Variants in CELF2 observed in about 807,000 individuals in gnomAD.
CELF2 encodes the protein CUGBP Elav-like family member 2.
Under a neutral mutation model 62.6 loss-of-function variants are expected in CELF2, and 8 were observed. The observed-to-expected ratio is 0.13, with a 90% CI of 0.07 to 0.23. CELF2 has a LOEUF of 0.23. Among genes scored for constraint, CELF2 ranks in the 10% least tolerant of loss-of-function variants. The pLI, the probability that CELF2 is intolerant of heterozygous loss-of-function variation, is 1.00. For missense variants in CELF2, 333 were observed against 671.0 expected, an observed-to-expected ratio of 0.50 and a Z score of 5.56; for synonymous variants, 258 against 250.0, an observed-to-expected ratio of 1.03 and a Z score of -0.30.
rs549370565 is a variant in CELF2, at chr10:11,063,176, C to T, written c.74+45013C>T. Among the ~76,000 whole-genome samples, 13 of 152,348 alleles carry T rather than the reference C, an allele frequency of 8.5e-5. No individual in the cohort carries two copies. The South Asian group carries it at 2.5e-3, about 29-fold the overall frequency. ...CTGGGAAACCAAAAAATTCATGTGA[C>T]TTGCTTCATTGAAATACTAGCTTTA... On this transcript the variant is annotated intron_variant, in intron 1 of 12. Transcript: ENST00000633077.
At chr10:11,325,720 T>C (rs2095689854) in intron 11 of CELF2, 116 bp from the exon 12 acceptor site, 2 of 836,610 alleles carry the variant, frequency 2.4e-6, no homozygotes, top group Non-Finnish European at 3.7e-6. Context: ...TTTATCCATC[T>C]GTTTGTTTGT....
At chr10:11,133,395 T>C (rs1225137683) in intron 1 of CELF2, among the ~76,000 whole-genome samples, 1 of 152,228 alleles carries the variant, frequency 6.6e-6, no homozygotes, top group African/African-American at 2.4e-5. Context: ...TCCAAAAGCA[T>C]ATGCCGTGGG....
At chr10:11,062,680 C>G (rs923641458) in intron 1 of CELF2, among the ~76,000 whole-genome samples, 2 of 152,156 alleles carry the variant, frequency 1.3e-5, no homozygotes, top group African/African-American at 2.4e-5. Context: ...GCAAAGAAAT[C>G]GGTTTCTGGA....
rs1389806953 is a variant in CELF2, at chr10:11,244,815, A to G, written c.355-4338A>G. 6.6e-6 allele frequency among the ~76,000 whole-genome samples: 1 copy of G among 152,134 alleles called. No homozygotes were observed. The highest frequency in any genetic ancestry group is 1.9e-4 in the East Asian group (1 of 5,204). Reference sequence around the variant, plus strand: ...CTTTTCCCTGAAATGTCCTTTCCACATCTTCCGGTTAACATGAGGATTGCT... The same window carrying G: ...CTTTTCCCTGAAATGTCCTTTCCACGTCTTCCGGTTAACATGAGGATTGCT... On this transcript the variant is annotated intron_variant, in intron 3 of 12. Transcript: ENST00000633077. This position sits in a 1 kb window ranked among gnomAD's most constrained non-coding sequence, Gnocchi z 4.2.
chr10:11,213,094 C>G (rs928047828), intron 2 of CELF2, among the ~76,000 whole-genome samples: 1 of 145,138 alleles, frequency 6.9e-6, no homozygotes, highest in Non-Finnish European at 1.5e-5. Context: ...GGCCGGTCAC[C>G]TCTAACATGG....
chr10:11,255,023 C>T lies in CELF2; in HGVS notation c.404-2715C>T, dbSNP rs576137691. ...TGTTAGTGAGCACAGGCGGTGTAGA[C>T]GGCCTGCAGCAGGTGGTGTGGACGG... is the stretch of plus-strand genomic sequence containing the variant. On this transcript the variant is annotated intron_variant, in intron 4 of 12. Coordinates refer to ENST00000633077, the MANE Select transcript of CELF2 (RefSeq NM_001326342.2). The surrounding 1 kb of genome is among the most constrained non-coding windows in gnomAD (Gnocchi z 5.5). Among the ~76,000 whole-genome samples the T allele has an allele frequency of 2.6e-5, 4 of 152,156 alleles. No individual in the cohort carries two copies. In the East Asian group the frequency reaches 5.8e-4, roughly 22 times the overall value.
chr10:11,124,289 ACACTCAATG>A (rs1185100171), intron 1 of CELF2, among the ~76,000 whole-genome samples: 6 of 152,154 alleles, frequency 3.9e-5, no homozygotes, highest in African/African-American at 1.4e-4. Flanking sequence ...ACATACCTAC[ACACTCAATG>A]TAGTCGCTCT....
intron 9 of CELF2, among the ~76,000 whole-genome samples, chr10:11,301,990 C>T (rs751924228): frequency 6.6e-5 from 10 of 152,182 alleles, no homozygotes; most frequent in Admixed American, 3.3e-4. Flanking sequence ...GCCCCTCCTC[C>T]GCTCAGCAGA....
At chr10:10,666,170 C>A in the CELF2 span, among the ~76,000 whole-genome samples, 1 of 152,184 alleles carries the variant, frequency 6.6e-6, no homozygotes, top group Non-Finnish European at 1.5e-5. Flanking sequence ...TCTTTCCATT[C>A]ATTGCTCCCC....
intron 1 of CELF2, among the ~76,000 whole-genome samples, chr10:11,078,738 G>C (rs907477399): frequency 6.6e-6 from 1 of 152,144 alleles, no homozygotes; most frequent in African/African-American, 2.4e-5. Flanking sequence ...AGAATCGGAG[G>C]CTGCCAGTCT....
chr10:10,766,558 G>A, the CELF2 span, among the ~76,000 whole-genome samples: 1 of 152,194 alleles, frequency 6.6e-6, no homozygotes, highest in Non-Finnish European at 1.5e-5. Context: ...GGAGCCAGGG[G>A]AGGTGTCAGC....
At chr10:10,970,896 T>C (rs2050684930) in intron 2 of CELF2, 1 of 152,100 alleles carries the variant, frequency 6.6e-6, no homozygotes, top group Admixed American at 6.5e-5. Context: ...TTTGTGTAAG[T>C]TGAGATATAG....
intron 4 of CELF2, 28 bp downstream of exon 4, chr10:11,249,229 A>G (rs1339139424): frequency 1.6e-5 from 25 of 1,575,816 alleles, no homozygotes; most frequent in Non-Finnish European, 1.9e-5. Flanking sequence ...GTCTTGCTTA[A>G]TAATAATATC....
chr10:10,581,757 C>T, the CELF2 span, among the ~76,000 whole-genome samples: 21 of 152,268 alleles, frequency 1.4e-4, no homozygotes, highest in East Asian at 9.6e-4. Flanking sequence ...AGGCCAGGCG[C>T]GGTGGTTCAC....
intron 3 of CELF2, among the ~76,000 whole-genome samples, chr10:11,241,326 A>C (rs1030906632): frequency 5.9e-5 from 9 of 152,158 alleles, no homozygotes; most frequent in Admixed American, 4.6e-4. Flanking sequence ...CAGTCTCCCA[A>C]GTAGCTGGGA....
intron 1 of CELF2, among the ~76,000 whole-genome samples, chr10:10,812,194 T>C: frequency 6.6e-6 from 1 of 152,118 alleles, no homozygotes. Context: ...CTCACAATCA[T>C]GGCAGAAGGC....
At chr10:10,488,901 C>T in the CELF2 span, among the ~76,000 whole-genome samples, 1 of 152,018 alleles carries the variant, frequency 6.6e-6, no homozygotes, top group Non-Finnish European at 1.5e-5. Context: ...TCCAAAATCC[C>T]CAACAGAGAC....
At chr10:10,576,721 A>G in the CELF2 span, among the ~76,000 whole-genome samples, 1 of 152,076 alleles carries the variant, frequency 6.6e-6, no homozygotes, top group Admixed American at 6.5e-5. Context: ...TGCCTCCCCC[A>G]ATTCTATCCA....
At chr10:10,989,854 A>G (rs2053234904) in intron 2 of CELF2, among the ~76,000 whole-genome samples, 1 of 152,168 alleles carries the variant, frequency 6.6e-6, no homozygotes, top group Non-Finnish European at 1.5e-5. Context: ...TAGACAAAGG[A>G]CAATAAACAT....
Sources: allele counts gnomAD v4.1 joint callset (sites outside exome capture counted in the v4.1 genomes callset), GRCh38; gene constraint gnomAD v4.1.1; non-coding constraint Gnocchi (gnomAD v3.1); transcripts MANE v1.5; gene names NCBI Gene and HGNC (gene_info 2026-07-23, HGNC 2026-07-21).